BBS9: variants seen among roughly 807,000 people sequenced by gnomAD.
The protein encoded by BBS9 is Bardet-Biedl syndrome 9.
Under a neutral mutation model 117.7 loss-of-function variants are expected in BBS9, and 89 were observed. The ratio of observed to expected loss-of-function variants is 0.76; its 90% CI spans 0.64 to 0.90. The LOEUF is 0.90. Among genes scored for constraint, BBS9 ranks in the 40% least tolerant of loss-of-function variants. The pLI is 0.00. For missense variants in BBS9, 982 were observed against 1,042.2 expected, an observed-to-expected ratio of 0.94 and a Z score of 0.80; for synonymous variants, 379 against 370.9, an observed-to-expected ratio of 1.02 and a Z score of -0.25.
In BBS9 at chr7:33,421,881, A is replaced by G. The variant is rs578253635; in HGVS notation, c.2115+33737A>G. On this transcript the variant is annotated intron_variant, in intron 19 of 22. Coordinates refer to ENST00000242067, the MANE Select transcript of BBS9 (RefSeq NM_198428.3). ...TATTTTACTTGCTTTTCTTTTCAAT[A>G]TAACTTTTTAAAAAAGTACACAAGT... Among the ~76,000 whole-genome samples the G allele has an allele frequency of 2.0e-5, 3 of 152,296 alleles. No homozygotes were observed. The East Asian group carries it at 5.8e-4, about 29-fold the overall frequency.
chr7:33,597,069 TCACACACACACACACACACA>T (rs58511454), intron 21 of BBS9, among the ~76,000 whole-genome samples: 1,507 of 138,938 alleles, frequency 0.011, 27 homozygotes, highest in African/African-American at 0.038. Context: ...TCTCTCTCTG[TCACACACACACACACACACA>T]CACACACACA....
chr7:33,177,792 T>C, intron 5 of BBS9: 1 of 574,526 alleles, frequency 1.7e-6, no homozygotes, highest in Non-Finnish European at 3.1e-6. Context: ...TCTTGGAAGC[T>C]AATCAGGGTC....
chr7:33,239,512 C>T (rs912737987), intron 5 of BBS9, among the ~76,000 whole-genome samples: 1 of 151,932 alleles, frequency 6.6e-6, no homozygotes, highest in Admixed American at 6.6e-5. Flanking sequence ...CTGGTTCAAG[C>T]GATTCTCCTG....
intron 9 of BBS9, chr7:33,314,321 T>A (rs1809991417): frequency 2.3e-6 from 1 of 429,942 alleles, no homozygotes; most frequent in Non-Finnish European, 4.6e-6. Context: ...AAGTTTCTCC[T>A]TTTCTTTGGG....
At chr7:33,285,101 GA>G in intron 9 of BBS9, among the ~76,000 whole-genome samples, 1 of 147,396 alleles carries the variant, frequency 6.8e-6, no homozygotes, top group African/African-American at 2.7e-5. Flanking sequence ...GAAGTCAATA[GA>G]TAGTGTAGAG....
chr7:33,537,978 T>C (rs1185653108), intron 21 of BBS9, among the ~76,000 whole-genome samples: 1 of 152,142 alleles, frequency 6.6e-6, no homozygotes, highest in Non-Finnish European at 1.5e-5. Flanking sequence ...AGAAATAATA[T>C]AGATAAGTGA....
At chr7:33,141,733 G>T (rs2128081612) in intron 1 of BBS9, among the ~76,000 whole-genome samples, 1 of 152,160 alleles carries the variant, frequency 6.6e-6, no homozygotes, top group African/African-American at 2.4e-5. Context: ...TAATCCCAAA[G>T]AAATTGCCTT....
chr7:33,336,836 T>C (rs1314831186), intron 10 of BBS9, among the ~76,000 whole-genome samples: 2 of 152,204 alleles, frequency 1.3e-5, no homozygotes, highest in African/African-American at 4.8e-5. Context: ...AAGAAAGTGC[T>C]TTTGTTGTTA....
chr7:33,444,272 GTTTC>G (rs1836653331), intron 19 of BBS9, among the ~76,000 whole-genome samples: 1 of 152,098 alleles, frequency 6.6e-6, no homozygotes, highest in Admixed American at 6.6e-5. Flanking sequence ...TTCTTAAACT[GTTTC>G]TTTATTGTCA....
chr7:33,230,480 T>C (rs1460191646), intron 5 of BBS9, among the ~76,000 whole-genome samples: 3 of 152,234 alleles, frequency 2.0e-5, no homozygotes, highest in African/African-American at 7.2e-5. Flanking sequence ...ATGAATTGTA[T>C]AGCGAGTAGT....
intron 19 of BBS9, among the ~76,000 whole-genome samples, chr7:33,435,187 A>C (rs983434767): frequency 6.6e-6 from 1 of 152,170 alleles, no homozygotes; most frequent in Admixed American, 6.5e-5. Flanking sequence ...TAGGTTCTGC[A>C]TTGGTCGATG....
At chr7:33,218,001 G>T (rs10278145) in intron 5 of BBS9, among the ~76,000 whole-genome samples, 125,526 of 152,206 alleles carry the variant, frequency 0.82, 51,783 homozygotes, top group Admixed American at 0.86. Context: ...ACATTAAATT[G>T]TGTATACAAT....
intron 21 of BBS9, among the ~76,000 whole-genome samples, chr7:33,596,052 A>C (rs1008516244): frequency 6.6e-6 from 1 of 152,030 alleles, no homozygotes; most frequent in Admixed American, 6.6e-5. Flanking sequence ...GGAGAGCATT[A>C]GGACAAATAG....
chr7:33,616,966 CTTTCTG>C (rs2129219278), intron 21 of BBS9, among the ~76,000 whole-genome samples: 1 of 152,042 alleles, frequency 6.6e-6, no homozygotes, highest in East Asian at 1.9e-4. Flanking sequence ...TGGTATTTGA[CTTTCTG>C]TTTCTGGGTT....
chr7:33,233,818 C>T (rs1263434652), intron 5 of BBS9, among the ~76,000 whole-genome samples: 1 of 152,096 alleles, frequency 6.6e-6, no homozygotes, highest in East Asian at 1.9e-4. Flanking sequence ...GGTTATATGA[C>T]TGGGACTGTG....
intron 1 of BBS9, among the ~76,000 whole-genome samples, chr7:33,136,227 C>T (rs1790439468): frequency 6.6e-6 from 1 of 152,150 alleles, no homozygotes; most frequent in Non-Finnish European, 1.5e-5. Flanking sequence ...CCTTGCTTAA[C>T]TCATTTATTA....
chr7:33,630,391 G>GT (rs1865832561), intron 21 of BBS9, among the ~76,000 whole-genome samples: 4 of 151,950 alleles, frequency 2.6e-5, no homozygotes, highest in African/African-American at 9.7e-5. Context: ...CTTCTGGGGA[G>GT]TTTTTTTGGA....
At chr7:33,333,092 A>G (rs1459819713) in intron 9 of BBS9, among the ~76,000 whole-genome samples, 2 of 152,056 alleles carry the variant, frequency 1.3e-5, no homozygotes, top group Non-Finnish European at 2.9e-5. Flanking sequence ...TTTAGAGTAC[A>G]CGTGGTTTTT....
At chr7:33,270,822 A>G (rs1025670569) in intron 7 of BBS9, among the ~76,000 whole-genome samples, 3 of 152,140 alleles carry the variant, frequency 2.0e-5, no homozygotes, top group Admixed American at 1.3e-4. Context: ...CCCCAACCTC[A>G]CTAGAGAGGC....
Sources: gnomAD v4.1 joint callset for allele counts (sites outside exome capture counted in the v4.1 genomes callset) on GRCh38, gnomAD v4.1.1 for gene constraint, MANE v1.5 for transcripts, NCBI Gene and HGNC (gene_info 2026-07-23, HGNC 2026-07-21) for gene names.